ARID2: variants seen among roughly 807,000 people sequenced by gnomAD.
ARID2 encodes AT-rich interactive domain-containing protein 2.
A neutral mutation model predicts 184.6 loss-of-function variants in ARID2; 32 were observed. That is an observed-to-expected ratio of 0.17 (90% confidence interval 0.13 to 0.23). The LOEUF is 0.23. ARID2 is among the 10% of genes least tolerant of loss of function. The pLI is 1.00. For missense variants in ARID2, 1,696 were observed against 2,197.6 expected (o/e 0.77, Z 4.56); for synonymous variants, 836 against 772.6 (o/e 1.08, Z -1.36).
intron 16 of ARID2, among the ~76,000 whole-genome samples, chr12:45,876,474 C>T (rs372410595): frequency 8.6e-5 from 13 of 150,798 alleles, no homozygotes; most frequent in South Asian, 2.1e-4. Flanking sequence ...CGTTTGAGCC[C>T]GGAAGGTGGA....
chr12:45,798,100 T>C (rs1028302637), intron 3 of ARID2, among the ~76,000 whole-genome samples: 5 of 152,186 alleles, frequency 3.3e-5, no homozygotes, highest in Admixed American at 3.3e-4. Context: ...TGTACCCTTT[T>C]TTACTATGTG....
Position 45,837,615 on chromosome 12 carries a change from T to C in ARID2, c.1238T>C (p.Leu413Pro). 6.2e-7 allele frequency: 1 copy of C among 1,614,102 alleles called. No individual in the cohort carries two copies. The highest frequency in any genetic ancestry group is 8.5e-7 in the Non-Finnish European group (1 of 1,179,990). Residue 413 changes from leucine (L) to proline (P), a missense_variant, in exon 10 of 21, where the codon CTG (leucine) becomes CCG (proline). Physicochemically the swap from Leu to Pro is moderately conservative, Grantham distance 98 (BLOSUM62 -3). This residue lies in a region of ARID2 where 86 missense variants were observed against 200.8 expected (regional missense o/e 0.43). Coordinates refer to ENST00000334344, the MANE Select transcript of ARID2 (RefSeq NM_152641.4). Reference sequence around the variant, plus strand: ...TGTCATCTCACTTTACCTGATGTGCTGCTTGTAATCTCAACACTCGAGGTG... The same window carrying C: ...TGTCATCTCACTTTACCTGATGTGCCGCTTGTAATCTCAACACTCGAGGTG... ...IICHLTLPDV[L>P]LVISTLEVLY...
intron 16 of ARID2, among the ~76,000 whole-genome samples, chr12:45,882,542 G>A (rs1048692529): frequency 5.3e-5 from 8 of 152,274 alleles, no homozygotes; most frequent in Admixed American, 3.9e-4. Context: ...ATCTAAAGAC[G>A]AGCTGAATGT....
At chr12:45,856,073 T>C (rs886492062) in intron 15 of ARID2, among the ~76,000 whole-genome samples, 50 of 123,942 alleles carry the variant, frequency 4.0e-4, no homozygotes, top group Non-Finnish European at 7.4e-4. Flanking sequence ...TTTTCTTTTT[T>C]TTTTTTTTTT....
chr12:45,847,035 G>A lies in ARID2; in HGVS notation c.1580+98G>A. On this transcript the variant is annotated intron_variant, in intron 12 of 20. Transcript: ENST00000334344. Reference sequence around the variant, plus strand: ...ACAGACATCCAGAATGTTTTGTTCTGTATTCCTTTTTAGTTAGAGTAGAAT... The same window carrying A: ...ACAGACATCCAGAATGTTTTGTTCTATATTCCTTTTTAGTTAGAGTAGAAT... 10 of 1,088,784 alleles carry A rather than the reference G, an allele frequency of 9.2e-6. 1 individual carries two copies. The highest frequency in any genetic ancestry group is 6.1e-5 in the South Asian group (4 of 65,942). The allele number at this position is 1,088,784 out of a possible 1,614,324, so 67.4% of individuals were successfully genotyped here. A position where few individuals can be genotyped will look rare whatever the true frequency, so the allele number is the denominator to read the frequency against.
rs1293076096 is a variant in ARID2, at chr12:45,889,476, TAAG to T, written c.4923-2301_4923-2299del. Among the ~76,000 whole-genome samples the T allele has an allele frequency of 5.9e-5, 9 of 152,352 alleles. No homozygotes were observed. In the East Asian group the frequency reaches 1.5e-3, roughly 26 times the overall value. ...GTGGAGGTGATTGCTGGAGTAGTTT[TAAG>T]AACAGTTTTCTAGACATGACAGTAA... is the stretch of plus-strand genomic sequence containing the variant. On this transcript the variant is annotated intron_variant, in intron 16 of 20. Coordinates refer to ENST00000334344, the MANE Select transcript of ARID2 (RefSeq NM_152641.4).
chr12:45,775,301 A>G (rs748032701), intron 3 of ARID2, among the ~76,000 whole-genome samples: 1 of 152,180 alleles, frequency 6.6e-6, no homozygotes, highest in Non-Finnish European at 1.5e-5. Flanking sequence ...TTTTTGGATC[A>G]TTGCCCTCTA....
rs746437770 is a variant in ARID2 at position 45,837,586 on chromosome 12, C to A, written c.1209C>A (p.Ile403=). The change falls in exon 10 of 21, where the codon ATC becomes ATA. Residue 403 remains isoleucine (I), a synonymous_variant. Coordinates refer to ENST00000334344, the MANE Select transcript of ARID2 (RefSeq NM_152641.4). The part of the protein sequence containing the change: ...EYVDQDSYRE[I]ICHLTLPDVL... ...TGGATCAGGATTCCTACAGAGAGAT[C>A]ATTTGTCATCTCACTTTACCTGATG... is the stretch of plus-strand genomic sequence containing the variant. The A allele has an allele frequency of 9.3e-6, 15 of 1,613,898 alleles. No homozygotes were observed. Among genetic ancestry groups the A allele is most frequent in the Non-Finnish European group, 1.3e-5 (15 of 1,179,972 alleles).
At chr12:45,845,662 A>C (rs976940851) in intron 11 of ARID2, among the ~76,000 whole-genome samples, 8 of 152,162 alleles carry the variant, frequency 5.3e-5, no homozygotes, top group Non-Finnish European at 1.2e-4. Context: ...CCTCAAAGAA[A>C]GCATGGGGCA....
chr12:45,811,338 G>GA, intron 3 of ARID2, 80 bp from the exon 4 acceptor site: 3 of 1,399,464 alleles, frequency 2.1e-6, no homozygotes, highest in Non-Finnish European at 2.9e-6. Flanking sequence ...TTTAGAAAAG[G>GA]AAAACAAATA....
chr12:45,846,430 C>G (rs1943441964), intron 11 of ARID2, among the ~76,000 whole-genome samples: 1 of 152,118 alleles, frequency 6.6e-6, no homozygotes, highest in Non-Finnish European at 1.5e-5. Context: ...GAAAGATGCT[C>G]AACTTACGTG....
At chr12:45,732,311 C>T (rs764427964) in intron 3 of ARID2, among the ~76,000 whole-genome samples, 1 of 152,246 alleles carries the variant, frequency 6.6e-6, no homozygotes, top group South Asian at 2.1e-4. Flanking sequence ...CAGATGCACT[C>T]AGTTATTGTG....
chr12:45,775,359 T>A (rs1192229715), intron 3 of ARID2, among the ~76,000 whole-genome samples: 1 of 152,184 alleles, frequency 6.6e-6, no homozygotes, highest in Admixed American at 6.5e-5. Flanking sequence ...GCAATAGGGA[T>A]TTTATCTAAG....
chr12:45,894,503 A>AT (rs1003662364), intron 20 of ARID2, among the ~76,000 whole-genome samples: 9 of 151,962 alleles, frequency 5.9e-5, no homozygotes, highest in South Asian at 2.1e-4. Flanking sequence ...CTTTTATGAT[A>AT]TTTTTTTTGC....
At chr12:45,813,723 A>C (rs180782034) in intron 4 of ARID2, among the ~76,000 whole-genome samples, 2 of 152,284 alleles carry the variant, frequency 1.3e-5, no homozygotes, top group African/African-American at 2.4e-5. Context: ...GTACACTGAT[A>C]GAATGTGGGC....
At chr12:45,766,697 G>T (rs1941776350) in intron 3 of ARID2, among the ~76,000 whole-genome samples, 1 of 141,904 alleles carries the variant, frequency 7.0e-6, no homozygotes, top group Non-Finnish European at 1.6e-5. Context: ...GTATTTTTTA[G>T]TAGGGACAGG....
At chr12:45,805,834 A>G (rs894820977) in intron 3 of ARID2, among the ~76,000 whole-genome samples, 8 of 152,136 alleles carry the variant, frequency 5.3e-5, no homozygotes, top group East Asian at 1.9e-4. Context: ...TAAAATCCCC[A>G]TCCTGTATAT....
intron 5 of ARID2, among the ~76,000 whole-genome samples, chr12:45,819,622 G>A (rs1942860964): frequency 6.6e-6 from 1 of 151,974 alleles, no homozygotes; most frequent in Non-Finnish European, 1.5e-5. Flanking sequence ...TATTTTGTGT[G>A]TTTGAAGAAG....
chr12:45,831,382 G>C (rs1943119563), intron 6 of ARID2, among the ~76,000 whole-genome samples: 1 of 152,026 alleles, frequency 6.6e-6, no homozygotes, highest in Non-Finnish European at 1.5e-5. Context: ...ATTTATTTAA[G>C]TTTTTAATTG....
Sources: gnomAD v4.1 joint callset for allele counts (sites outside exome capture counted in the v4.1 genomes callset) on GRCh38, gnomAD v4.1.1 for gene constraint, gnomAD v4.1.1 regional missense constraint, MANE v1.5 for transcripts, NCBI Gene and HGNC (gene_info 2026-07-23, HGNC 2026-07-21) for gene names.